Variants in ADCY2 observed in about 807,000 individuals in gnomAD.
ADCY2 encodes adenylate cyclase type 2.
Under a neutral mutation model 125.2 loss-of-function variants are expected in ADCY2, and 31 were observed. The ratio of observed to expected loss-of-function variants is 0.25; its 90% CI spans 0.19 to 0.33. The LOEUF is 0.33. Ranked by LOEUF, ADCY2 falls within the 10% of genes least tolerant of loss-of-function variation. ADCY2 has a pLI of 1.00. For synonymous variants in ADCY2, 512 were observed against 548.4 expected (o/e 0.93, Z 0.93); for missense variants, 904 against 1,418.2 (o/e 0.64, Z 5.82).
At chr5:7,561,594 A>G (rs936069151) in intron 3 of ADCY2, among the ~76,000 whole-genome samples, 13 of 138,650 alleles carry the variant, frequency 9.4e-5, no homozygotes, top group Non-Finnish European at 1.8e-4. Context: ...AATAATAAAT[A>G]TGTATCTTTG....
intron 13 of ADCY2, among the ~76,000 whole-genome samples, chr5:7,725,454 C>T (rs894638173): frequency 3.3e-5 from 5 of 151,966 alleles, no homozygotes; most frequent in Non-Finnish European, 7.4e-5. Flanking sequence ...TCTATGGACA[C>T]ACCAAAAGGT....
At chr5:7,703,955 T>A (rs1741175233) in intron 7 of ADCY2, among the ~76,000 whole-genome samples, 1 of 148,484 alleles carries the variant, frequency 6.7e-6, no homozygotes, top group Non-Finnish European at 1.5e-5. Context: ...TGAGACAAGA[T>A]CACACCACTG....
At chr5:7,597,416 T>C (rs1159078826) in intron 3 of ADCY2, among the ~76,000 whole-genome samples, 2 of 152,192 alleles carry the variant, frequency 1.3e-5, no homozygotes, top group Non-Finnish European at 2.9e-5. Context: ...CTCCTGCTGC[T>C]TACAGGGTTT....
chr5:7,456,833 T>C (rs934069180), intron 2 of ADCY2, among the ~76,000 whole-genome samples: 1 of 152,212 alleles, frequency 6.6e-6, no homozygotes, highest in African/African-American at 2.4e-5. Context: ...CTTCGTACTC[T>C]AATAGGGGTT....
intron 2 of ADCY2, among the ~76,000 whole-genome samples, chr5:7,446,088 TTAAG>T (rs1418812218): frequency 3.3e-5 from 5 of 152,224 alleles, no homozygotes; most frequent in African/African-American, 1.2e-4. Context: ...TGTTTCCATA[TTAAG>T]TAAGAGCTGG....
intron 2 of ADCY2, among the ~76,000 whole-genome samples, chr5:7,488,396 A>T (rs934387936): frequency 1.3e-5 from 2 of 152,122 alleles, no homozygotes; most frequent in Non-Finnish European, 2.9e-5. Flanking sequence ...CATCTTGACT[A>T]ATACATCTTG....
At chr5:7,557,504 A>G (rs1273749691) in intron 3 of ADCY2, among the ~76,000 whole-genome samples, 1 of 151,994 alleles carries the variant, frequency 6.6e-6, no homozygotes, top group Non-Finnish European at 1.5e-5. Flanking sequence ...TTAGTTATTT[A>G]TCCTAATCCT....
At chr5:7,448,274 G>A (rs137995045) in intron 2 of ADCY2, among the ~76,000 whole-genome samples, 1 of 152,314 alleles carries the variant, frequency 6.6e-6, no homozygotes, top group Non-Finnish European at 1.5e-5. Context: ...ATACATTAAA[G>A]ATGCAGAAGG....
intron 24 of ADCY2, among the ~76,000 whole-genome samples, chr5:7,824,565 A>G (rs1031388392): frequency 6.6e-6 from 1 of 152,178 alleles, no homozygotes; most frequent in African/African-American, 2.4e-5. Context: ...GCTCTTATCC[A>G]GTACACAAAG....
At chr5:7,723,371 G>C (rs148261538) in intron 12 of ADCY2, among the ~76,000 whole-genome samples, 1 of 152,274 alleles carries the variant, frequency 6.6e-6, no homozygotes, top group Non-Finnish European at 1.5e-5. Flanking sequence ...TGCCCCAGTT[G>C]AAAGTGCCCT....
chr5:7,638,097 C>T (rs1283722188), intron 4 of ADCY2, among the ~76,000 whole-genome samples: 1 of 152,154 alleles, frequency 6.6e-6, no homozygotes, highest in African/African-American at 2.4e-5. Flanking sequence ...GTGCTGTGGA[C>T]TCGGGCACCT....
chr5:7,724,408 G>GTTT (rs371811181), intron 12 of ADCY2, 137 bp from the exon 13 acceptor site: 200 of 565,332 alleles, frequency 3.5e-4, no homozygotes, highest in South Asian at 5.6e-4. Flanking sequence ...GGCATCACGT[G>GTTT]TTTTTTTTTT....
chr5:7,769,031 T>C (rs754872786), intron 17 of ADCY2, among the ~76,000 whole-genome samples: 3 of 152,226 alleles, frequency 2.0e-5, no homozygotes, highest in Non-Finnish European at 4.4e-5. Flanking sequence ...TGTTATGTGA[T>C]GCCTGAAGTT....
At chr5:7,616,925 G>GT (rs1295488290) in intron 3 of ADCY2, among the ~76,000 whole-genome samples, 1 of 152,110 alleles carries the variant, frequency 6.6e-6, no homozygotes, top group Non-Finnish European at 1.5e-5. Flanking sequence ...AGACACCAGG[G>GT]TTGTGTGCTC....
intron 3 of ADCY2, among the ~76,000 whole-genome samples, chr5:7,545,824 G>C (rs11747117): frequency 0.53 from 80,954 of 151,910 alleles, 23,337 homozygotes; most frequent in Non-Finnish European, 0.66. Flanking sequence ...AATCCCTTCC[G>C]TATGGGCAGT....
chr5:7,484,947 G>T (rs1317743816), intron 2 of ADCY2, among the ~76,000 whole-genome samples: 1 of 152,088 alleles, frequency 6.6e-6, no homozygotes, highest in Non-Finnish European at 1.5e-5. Flanking sequence ...GTGCTCCTTG[G>T]TCCCAGTCTT....
At chr5:7,576,236 C>T (rs1370375894) in intron 3 of ADCY2, among the ~76,000 whole-genome samples, 1 of 152,196 alleles carries the variant, frequency 6.6e-6, no homozygotes, top group East Asian at 1.9e-4. Flanking sequence ...ACAGGGCTGC[C>T]ACAGATGGTT....
intron 2 of ADCY2, among the ~76,000 whole-genome samples, chr5:7,517,812 A>G (rs1380932685): frequency 1.3e-5 from 2 of 152,246 alleles, no homozygotes; most frequent in Non-Finnish European, 1.5e-5. Flanking sequence ...AGACGGTATT[A>G]GAATTTTAAA....
intron 4 of ADCY2, among the ~76,000 whole-genome samples, chr5:7,665,786 T>G (rs1279845792): frequency 6.6e-6 from 1 of 151,360 alleles, no homozygotes; most frequent in African/African-American, 2.4e-5. Context: ...TTAAGATATC[T>G]GTTCTGGGTC....
Sources: gnomAD v4.1 joint callset for allele counts (sites outside exome capture counted in the v4.1 genomes callset) on GRCh38, gnomAD v4.1.1 for gene constraint, MANE v1.5 for transcripts, NCBI Gene and HGNC (gene_info 2026-07-23, HGNC 2026-07-21) for gene names.